IGF2BP1: variants seen among roughly 807,000 people sequenced by gnomAD.
IGF2BP1 encodes the protein insulin like growth factor 2 mRNA binding protein 1, also known as insulin-like growth factor 2 mRNA-binding protein 1.
In IGF2BP1, 11 loss-of-function variants were observed where a neutral mutation model predicts 74.9. The ratio of observed to expected loss-of-function variants is 0.15; its 90% CI spans 0.09 to 0.24. The LOEUF (loss-of-function observed/expected upper bound fraction) is 0.24. IGF2BP1 is among the 10% of genes least tolerant of loss of function. The pLI is 1.00. For synonymous variants in IGF2BP1, 287 were observed against 281.8 expected (o/e 1.02, Z -0.18); for missense variants, 440 against 757.4 (o/e 0.58, Z 4.92).
At chr17:49,034,144 G>A (rs1227822870) in intron 5 of IGF2BP1, among the ~76,000 whole-genome samples, 2 of 110,118 alleles carry the variant, frequency 1.8e-5, no homozygotes, top group African/African-American at 7.1e-5. Flanking sequence ...TTGAGATGGA[G>A]TCTTGCCCAG....
At chr17:49,019,635 C>CATTTTATTTGTAACTATTTCAGTATGT (rs541065599) in intron 2 of IGF2BP1, among the ~76,000 whole-genome samples, 2,321 of 151,702 alleles carry the variant, frequency 0.015, 54 homozygotes, top group African/African-American at 0.051. Flanking sequence ...TTAGACATGT[C>CATTTTATTTGTAACTATTTCAGTATGT]ATTTTATTTG....
In IGF2BP1 at chr17:49,051,146, T is replaced by A. The variant is rs2042162351; in HGVS notation, c.*1702T>A. 1 of 152,582 alleles carries A rather than the reference T, an allele frequency of 6.6e-6. No homozygotes were observed. Among genetic ancestry groups the A allele is most frequent in the East Asian group, 1.9e-4 (1 of 5,202 alleles). The allele number at this position is 152,582 out of a possible 1,614,324, so 9.5% of individuals were successfully genotyped here. A position where few individuals can be genotyped will look rare whatever the true frequency, so the allele number is the denominator to read the frequency against. ...TTCCCCCCAACCCCATTAAAAAAAT[T>A]TTTTTTTGATTTTTGTTTTTTTGCA... On this transcript the variant is annotated 3_prime_UTR_variant, in exon 15 of 15. Transcript: ENST00000290341.
In IGF2BP1 at chr17:49,053,295, G is replaced by GAC. The variant is rs2042188716; in HGVS notation, c.*3852_*3853insCA. ...CCTCTGTGCCAAAGACAGACAGACA[G>GAC]AGGCTGAGAGAGGCTGTTCCTGAAT... On this transcript the variant is annotated 3_prime_UTR_variant, in exon 15 of 15. Coordinates refer to ENST00000290341, the MANE Select transcript of IGF2BP1 (RefSeq NM_006546.4). The GAC allele has an allele frequency of 6.5e-6, 1 of 152,698 alleles. No individual in the cohort carries two copies. The highest frequency in any genetic ancestry group is 2.1e-4 in the South Asian group (1 of 4,838). The allele number at this position is 152,698 out of a possible 1,614,324, so 9.5% of individuals were successfully genotyped here. A position where few individuals can be genotyped will look rare whatever the true frequency, so the allele number is the denominator to read the frequency against.
At chr17:49,003,659 A>G (rs1484815095) in intron 2 of IGF2BP1, among the ~76,000 whole-genome samples, 2 of 151,944 alleles carry the variant, frequency 1.3e-5, no homozygotes, top group Non-Finnish European at 2.9e-5. Flanking sequence ...AATGTTTTCC[A>G]GAAAGTGCAG....
intron 4 of IGF2BP1, 98 bp downstream of exon 4, chr17:49,026,615 T>G (rs560481852): frequency 1.4e-6 from 1 of 717,192 alleles, no homozygotes; most frequent in East Asian, 2.9e-5. Flanking sequence ...TTTTCTCCCT[T>G]CCTTCCTTCC....
At chr17:48,999,363 A>AT (rs890599128) in intron 2 of IGF2BP1, among the ~76,000 whole-genome samples, 194 bp downstream of exon 2, 8 of 151,392 alleles carry the variant, frequency 5.3e-5, no homozygotes, top group East Asian at 1.9e-4. Flanking sequence ...TTGTAAAAAA[A>AT]AAATAAATAA....
intron 5 of IGF2BP1, among the ~76,000 whole-genome samples, chr17:49,033,185 G>A (rs908729529): frequency 1.3e-5 from 2 of 151,938 alleles, no homozygotes; most frequent in Non-Finnish European, 2.9e-5. Context: ...TTACTCTGTC[G>A]TACAGGAGGC....
chr17:49,046,416 C>T, intron 14 of IGF2BP1, 43 bp downstream of exon 14: 2 of 1,454,582 alleles, frequency 1.4e-6, no homozygotes, highest in Non-Finnish European at 1.9e-6. Context: ...TGCAGGAGCC[C>T]AGGGAGCAGA....
Position 49,042,299 on chromosome 17 carries a change from C to A in IGF2BP1, c.999C>A (p.Ile333=), listed in dbSNP as rs781124783. The A allele has an allele frequency of 6.2e-7, 1 of 1,613,916 alleles. No homozygotes were observed. Among genetic ancestry groups the A allele is most frequent in the African/African-American group, 1.3e-5 (1 of 74,888 alleles). The change falls in exon 9 of 15, where the codon ATC becomes ATA. Residue 333 remains isoleucine, a synonymous_variant. Coordinates refer to ENST00000290341, the MANE Select transcript of IGF2BP1 (RefSeq NM_006546.4). ...PERTITVKGA[I]ENCCRAEQEI... is the part of the protein sequence containing the mutation. ...GGACCATCACTGTGAAGGGGGCCAT[C>A]GAGAATTGTTGCAGGGCCGAGCAGG...
chr17:49,012,749 C>G (rs1309455874), intron 2 of IGF2BP1, among the ~76,000 whole-genome samples: 12 of 152,064 alleles, frequency 7.9e-5, no homozygotes, highest in Admixed American at 7.9e-4. Context: ...TTCTTTCTTT[C>G]TTTACACAGG....
chr17:48,999,158 C>A lies in IGF2BP1; in HGVS notation c.225C>A (p.Pro75=). The change falls in exon 2 of 15, where the codon CCC becomes CCA. Residue 75 remains proline, a synonymous_variant. Transcript: ENST00000290341. ...GKRLEIEHSV[P]KKQRSRKIQI... ...GCTTAGAGATTGAACATTCGGTGCC[C>A]AAAAAACAAAGGTAGGAAAGAGCTC... 6 of 1,441,620 alleles carry A rather than the reference C, an allele frequency of 4.2e-6. No homozygotes were observed. Among genetic ancestry groups the A allele is most frequent in the Admixed American group, 1.9e-5 (1 of 52,122 alleles). 89.3% of individuals were successfully genotyped at this position (1,441,620 alleles called of 1,614,324 possible). A position where few individuals can be genotyped will look rare whatever the true frequency, so the allele number is the denominator to read the frequency against.
chr17:49,010,699 G>C (rs1326323476), intron 2 of IGF2BP1, among the ~76,000 whole-genome samples: 1 of 152,110 alleles, frequency 6.6e-6, no homozygotes, highest in Non-Finnish European at 1.5e-5. Context: ...AGGTGGGGAA[G>C]TGAGACATAG....
chr17:49,046,675 A>G (rs1416034160), intron 14 of IGF2BP1, among the ~76,000 whole-genome samples: 1 of 150,056 alleles, frequency 6.7e-6, no homozygotes, highest in East Asian at 1.9e-4. Context: ...AAATATATAT[A>G]TATATGTTCT....
At chr17:49,014,467 C>T (rs1361900058) in intron 2 of IGF2BP1, among the ~76,000 whole-genome samples, 2 of 151,638 alleles carry the variant, frequency 1.3e-5, no homozygotes, top group African/African-American at 4.8e-5. Flanking sequence ...GGAAGGCACT[C>T]AGTCCTCCCA....
intron 2 of IGF2BP1, among the ~76,000 whole-genome samples, chr17:49,001,454 C>T (rs2041486887): frequency 6.6e-6 from 1 of 152,010 alleles, no homozygotes; most frequent in African/African-American, 2.4e-5. Flanking sequence ...CTAAATGTTC[C>T]TGGTTGTTTT....
rs1001404800 is a variant in IGF2BP1, at chr17:49,049,544, C to T, written c.*100C>T. 3.1e-6 allele frequency: 3 copies of T among 956,682 alleles called. No homozygotes were observed. The highest frequency in any genetic ancestry group is 5.2e-5 in the East Asian group (2 of 38,332). The allele number at this position is 956,682 out of a possible 1,614,324, so 59.3% of individuals were successfully genotyped here. A position where few individuals can be genotyped will look rare whatever the true frequency, so the allele number is the denominator to read the frequency against. The stretch of plus-strand genomic sequence containing the variant: ...TGAGAATGAGTGGGAATCCGGGACA[C>T]CTGGGCCGGGCTGTAGATCAGGTTT... On this transcript the variant is annotated 3_prime_UTR_variant, in exon 15 of 15. Coordinates refer to ENST00000290341, the MANE Select transcript of IGF2BP1 (RefSeq NM_006546.4).
chr17:49,015,605 C>T (rs1421152851), intron 2 of IGF2BP1, among the ~76,000 whole-genome samples: 1 of 152,218 alleles, frequency 6.6e-6, no homozygotes, highest in Non-Finnish European at 1.5e-5. Context: ...CTGATGGTTT[C>T]TTCTCCACTT....
chr17:49,049,571 C>T lies in IGF2BP1; in HGVS notation c.*127C>T. On this transcript the variant is annotated 3_prime_UTR_variant, in exon 15 of 15. Transcript: ENST00000290341. ...TGGGCCGGGCTGTAGATCAGGTTTG[C>T]CCACTTGATTGAGAAAGATGTTCCA... The T allele has an allele frequency of 1.4e-6, 1 of 727,814 alleles. No homozygotes were observed. The highest frequency in any genetic ancestry group is 2.3e-6 in the Non-Finnish European group (1 of 436,040). The allele number at this position is 727,814 out of a possible 1,614,324, so 45.1% of individuals were successfully genotyped here.
chr17:49,042,119 C>A, intron 8 of IGF2BP1, 123 bp from the exon 9 acceptor site: 2 of 1,299,066 alleles, frequency 1.5e-6, no homozygotes, highest in Non-Finnish European at 2.2e-6. Flanking sequence ...GAGTTATTTG[C>A]CAGAAGTTGA....
Sources: gnomAD v4.1 joint callset for allele counts (sites outside exome capture counted in the v4.1 genomes callset) on GRCh38, gnomAD v4.1.1 for gene constraint, MANE v1.5 for transcripts, NCBI Gene and HGNC (gene_info 2026-07-23, HGNC 2026-07-21) for gene names.